Variants in EXT1 observed in about 807,000 individuals in gnomAD.
EXT1 encodes exostosin glycosyltransferase 1.
Under a neutral mutation model 82.5 loss-of-function variants are expected in EXT1, and 20 were observed. The observed-to-expected ratio is 0.24, with a 90% confidence interval of 0.17 to 0.35. The LOEUF (loss-of-function observed/expected upper bound fraction) is 0.35. EXT1 is among the 10% of genes least tolerant of loss of function. EXT1 has a pLI of 1.00. For missense variants in EXT1, 757 were observed against 936.5 expected, an observed-to-expected ratio of 0.81 and a Z score of 2.50; for synonymous variants, 348 against 350.8, an observed-to-expected ratio of 0.99 and a Z score of 0.09.
chr8:118,011,411 T>C (rs1815897063), intron 1 of EXT1, among the ~76,000 whole-genome samples: 1 of 152,190 alleles, frequency 6.6e-6, no homozygotes, highest in Non-Finnish European at 1.5e-5. Flanking sequence ...AGCTTTTAAT[T>C]TTAAAATGTG....
Position 117,932,837 on chromosome 8 carries a change from A to G in EXT1, c.963-95636T>C, listed in dbSNP as rs150386688. The stretch of plus-strand genomic sequence containing the variant: ...TAAAAAAGAGCTTGGATTTCCATCC[A>G]AGGATAGCCAAACTCCAGTCAGTGA... On this transcript the variant is annotated intron_variant, in intron 1 of 10. Coordinates refer to ENST00000378204, the MANE Select transcript of EXT1 (RefSeq NM_000127.3). 1.5e-3 allele frequency among the ~76,000 whole-genome samples: 221 copies of G among 152,336 alleles called. 1 individual carries two copies. Among genetic ancestry groups the G allele is most frequent in the Middle Eastern group, 0.01 (3 of 294 alleles).
At chr8:117,804,973 C>G in intron 9 of EXT1, 80 bp from the exon 10 acceptor site, 1 of 1,347,300 alleles carries the variant, frequency 7.4e-7, no homozygotes, top group South Asian at 1.2e-5. Context: ...AAAACACATA[C>G]CCATTCTTTG....
At chr8:117,804,353 A>G (rs1369720542) in intron 10 of EXT1, among the ~76,000 whole-genome samples, 1 of 152,162 alleles carries the variant, frequency 6.6e-6, no homozygotes, top group Non-Finnish European at 1.5e-5. Flanking sequence ...TGGTGCCTTG[A>G]TCTGGGACTC....
intron 10 of EXT1, among the ~76,000 whole-genome samples, chr8:117,801,594 C>A (rs1823167685): frequency 6.6e-6 from 1 of 152,144 alleles, no homozygotes; most frequent in South Asian, 2.1e-4. Flanking sequence ...CAACCTCCAC[C>A]ACATGGGTTC....
At chr8:118,042,930 T>C (rs1052599281) in intron 1 of EXT1, among the ~76,000 whole-genome samples, 4 of 152,228 alleles carry the variant, frequency 2.6e-5, no homozygotes, top group Non-Finnish European at 4.4e-5. Context: ...CATAGCTCAA[T>C]TATTATCTCA....
At chr8:118,094,290 T>C (rs1300982886) in intron 1 of EXT1, among the ~76,000 whole-genome samples, 1 of 152,168 alleles carries the variant, frequency 6.6e-6, no homozygotes, top group Non-Finnish European at 1.5e-5. Flanking sequence ...ATCTGGGAAA[T>C]AAAAATCTAC....
chr8:118,053,388 T>C (rs1243021687), intron 1 of EXT1, among the ~76,000 whole-genome samples: 1 of 152,192 alleles, frequency 6.6e-6, no homozygotes, highest in Non-Finnish European at 1.5e-5. Context: ...CCTTTTCTTC[T>C]GCTCTGTTCA....
intron 1 of EXT1, among the ~76,000 whole-genome samples, chr8:117,930,561 G>C (rs1374454961): frequency 6.6e-6 from 1 of 152,178 alleles, no homozygotes; most frequent in African/African-American, 2.4e-5. Context: ...TGGGAGAGGA[G>C]AAGAGAGTGT....
At chr8:118,025,409 G>A (rs553500828) in intron 1 of EXT1, among the ~76,000 whole-genome samples, 1 of 152,070 alleles carries the variant, frequency 6.6e-6, no homozygotes, top group Non-Finnish European at 1.5e-5. Flanking sequence ...AAAACAAACC[G>A]CACTAGGTCA....
At chr8:118,084,082 T>C (rs1817378589) in intron 1 of EXT1, among the ~76,000 whole-genome samples, 2 of 152,166 alleles carry the variant, frequency 1.3e-5, no homozygotes, top group Admixed American at 1.3e-4. Context: ...GAGGAACTTA[T>C]CTATTAGTTT....
chr8:117,804,699 G>A (rs1265827083), intron 10 of EXT1, 23 bp downstream of exon 10: 1 of 1,613,712 alleles, frequency 6.2e-7, no homozygotes, highest in Non-Finnish European at 8.5e-7. Context: ...TGAAGCAAGG[G>A]AAGAGGGCTC....
At chr8:117,977,391 T>TTA (rs375531755) in intron 1 of EXT1, among the ~76,000 whole-genome samples, 13 of 128,962 alleles carry the variant, frequency 1.0e-4, no homozygotes, top group Admixed American at 7.3e-4. Flanking sequence ...TGTCTCAAAA[T>TTA]AAAAAAAAAA....
rs1183290672 is a variant in EXT1, at chr8:117,812,968, G to A, written c.1633-7C>T. On this transcript the variant is annotated splice_region_variant and splice_polypyrimidine_tract_variant and intron_variant, in intron 7 of 10. Coordinates refer to ENST00000378204, the MANE Select transcript of EXT1 (RefSeq NM_000127.3). The stretch of plus-strand genomic sequence containing the variant: ...GAAAACGGCTGCTCATAACCTGGGA[G>A]GAAGTAGAAGTAGGCAGTGGGGAGG... 1.2e-6 allele frequency: 2 copies of A among 1,612,398 alleles called. No individual in the cohort carries two copies. The highest frequency in any genetic ancestry group is 2.7e-5 in the African/African-American group (2 of 74,864).
chr8:117,806,413 A>G (rs1419411882), intron 9 of EXT1, among the ~76,000 whole-genome samples: 1 of 152,074 alleles, frequency 6.6e-6, no homozygotes, highest in Non-Finnish European at 1.5e-5. Context: ...GACATGCTGT[A>G]CATGTCACAC....
chr8:118,068,608 T>C (rs1157745818), intron 1 of EXT1, among the ~76,000 whole-genome samples: 1 of 152,100 alleles, frequency 6.6e-6, no homozygotes, highest in Admixed American at 6.5e-5. Context: ...CCATGTTAAA[T>C]AGTGTGGCTA....
At position 117,870,430 on chromosome 8, in the gene EXT1, T is replaced by C. The variant is rs142932280; in HGVS notation, c.963-33229A>G. On this transcript the variant is annotated intron_variant, in intron 1 of 10. Coordinates refer to ENST00000378204, the MANE Select transcript of EXT1 (RefSeq NM_000127.3). ...TAGGGACTTTCCTAGGCACAGGGGATACAAAGGTGATCCTCTGAGCTAAAA... is the reference window on the plus strand; with the variant it reads ...TAGGGACTTTCCTAGGCACAGGGGACACAAAGGTGATCCTCTGAGCTAAAA... Among the ~76,000 whole-genome samples, 975 of 152,310 alleles carry C rather than the reference T, an allele frequency of 6.4e-3. 15 individuals carry two copies. The highest frequency in any genetic ancestry group is 0.022 in the African/African-American group (931 of 41,568).
chr8:117,886,413 G>A (rs888716391), intron 1 of EXT1, among the ~76,000 whole-genome samples: 1 of 152,170 alleles, frequency 6.6e-6, no homozygotes, highest in African/African-American at 2.4e-5. Flanking sequence ...TGGCATGCCA[G>A]TCAATTTGAT....
intron 1 of EXT1, among the ~76,000 whole-genome samples, chr8:118,043,953 ACT>A (rs1412218229): frequency 1.9e-4 from 29 of 152,098 alleles, no homozygotes; most frequent in African/African-American, 7.0e-4. Context: ...GATCTCATCA[ACT>A]CTTTTTAAGT....
Position 118,110,348 on chromosome 8 carries a change from A to G in EXT1, c.699T>C (p.Ser233=), listed in dbSNP as rs370644296. The G allele has an allele frequency of 1.8e-5, 29 of 1,614,110 alleles. No individual in the cohort carries two copies. Among genetic ancestry groups the G allele is most frequent in the Non-Finnish European group, 2.4e-5 (28 of 1,180,046 alleles). ...TENFRPNFDV[S]IPLFSKDHPR... is the part of the protein sequence containing the mutation. ...GATGATCCTTAGAAAAGAGGGGAAT[A>G]GAAACATCAAAGTTGGGTCGGAAGT... Residue 233 remains serine, a synonymous_variant, in exon 1 of 11, where the codon TCT becomes TCC. Transcript: ENST00000378204.
Sources: allele counts gnomAD v4.1 joint callset (sites outside exome capture counted in the v4.1 genomes callset), GRCh38; gene constraint gnomAD v4.1.1; transcripts MANE v1.5; gene names NCBI Gene and HGNC (gene_info 2026-07-23, HGNC 2026-07-21).